Variants in SPOCK1 observed in about 807,000 individuals in gnomAD.
SPOCK1 encodes testican-1.
SPOCK1 carries 23 observed loss-of-function variants against 55.3 expected under a neutral mutation model. That is an observed-to-expected ratio of 0.42 (90% CI 0.30 to 0.59). The LOEUF is 0.59. Among genes scored for constraint, SPOCK1 ranks in the 20% least tolerant of loss-of-function variants. SPOCK1 has a pLI of 0.22. For missense variants in SPOCK1, 499 were observed against 552.5 expected (o/e 0.90, Z 0.97); for synonymous variants, 226 against 221.0 (o/e 1.02, Z -0.20).
chr5:137,403,528 G>A (rs1363362770), intron 2 of SPOCK1, among the ~76,000 whole-genome samples: 1 of 152,132 alleles, frequency 6.6e-6, no homozygotes, highest in Non-Finnish European at 1.5e-5. Context: ...GTGTTATTAG[G>A]GAATAAATGC....
chr5:137,226,699 G>T (rs1479441707), intron 3 of SPOCK1, among the ~76,000 whole-genome samples: 1 of 152,164 alleles, frequency 6.6e-6, no homozygotes, highest in Non-Finnish European at 1.5e-5. Flanking sequence ...CCATCTCTGG[G>T]CCTTTGCATA....
intron 4 of SPOCK1, among the ~76,000 whole-genome samples, chr5:137,122,283 A>G (rs921946804): frequency 3.3e-5 from 5 of 152,116 alleles, no homozygotes; most frequent in African/African-American, 9.6e-5. Context: ...ACACACACAG[A>G]GGCACTCTCA....
At chr5:137,498,028 G>A (rs376149909) in intron 2 of SPOCK1, among the ~76,000 whole-genome samples, 49 of 152,052 alleles carry the variant, frequency 3.2e-4, no homozygotes, top group African/African-American at 1.1e-3. Context: ...CTACCATCAC[G>A]GTTAGGAGAA....
In SPOCK1 at chr5:137,458,795, T is replaced by A. The variant is rs151284873; in HGVS notation, c.186+39578A>T. Reference sequence around the variant, plus strand: ...GAAGCACTTGAGCATCAAATGACAATACACAGATTAGACCCTCAGCTAAAA... The same window carrying A: ...GAAGCACTTGAGCATCAAATGACAAAACACAGATTAGACCCTCAGCTAAAA... On this transcript the variant is annotated intron_variant, in intron 2 of 10. Transcript: ENST00000394945. 1.5e-3 allele frequency among the ~76,000 whole-genome samples: 233 copies of A among 152,272 alleles called. 1 individual carries two copies. The highest frequency in any genetic ancestry group is 5.4e-3 in the African/African-American group (226 of 41,558).
intron 2 of SPOCK1, among the ~76,000 whole-genome samples, chr5:137,400,730 C>T (rs775085723): frequency 6.6e-6 from 1 of 152,148 alleles, no homozygotes; most frequent in African/African-American, 2.4e-5. Context: ...CTTTAGCGGG[C>T]CCTTGAGAAG....
intron 3 of SPOCK1, among the ~76,000 whole-genome samples, chr5:137,203,806 A>C (rs1755471136): frequency 6.6e-6 from 1 of 152,228 alleles, no homozygotes; most frequent in Admixed American, 6.5e-5. Flanking sequence ...GAAACTACTT[A>C]GATCAGGAGC....
intron 3 of SPOCK1, among the ~76,000 whole-genome samples, chr5:137,149,955 T>C (rs1269008896): frequency 1.3e-5 from 2 of 152,192 alleles, no homozygotes; most frequent in Non-Finnish European, 2.9e-5. Flanking sequence ...GAGGATCTGA[T>C]GGGATAACAC....
Position 137,234,553 on chromosome 5 carries a change from C to T in SPOCK1, c.232+32457G>A, listed in dbSNP as rs146941652. Among the ~76,000 whole-genome samples the T allele has an allele frequency of 3.4e-3, 523 of 152,290 alleles. 5 individuals carry two copies. The highest frequency in any genetic ancestry group is 0.012 in the African/African-American group (479 of 41,570). On this transcript the variant is annotated intron_variant, in intron 3 of 10. Transcript: ENST00000394945. ...AGAAACAAGTCTATACGATCTTGTCCAGGCCATAAATCATATCATATCCCA... is the reference window on the plus strand; with the variant it reads ...AGAAACAAGTCTATACGATCTTGTCTAGGCCATAAATCATATCATATCCCA...
chr5:137,133,063 T>A (rs1033533415), intron 4 of SPOCK1, among the ~76,000 whole-genome samples: 2 of 152,166 alleles, frequency 1.3e-5, no homozygotes, highest in South Asian at 4.2e-4. Context: ...AGTCTTCTTT[T>A]GTTATTTTTA....
At chr5:137,417,188 A>T (rs1383045369) in intron 2 of SPOCK1, among the ~76,000 whole-genome samples, 2 of 152,018 alleles carry the variant, frequency 1.3e-5, no homozygotes, top group South Asian at 2.1e-4. Flanking sequence ...AACGTTAATG[A>T]AGTTCAGTTT....
intron 2 of SPOCK1, among the ~76,000 whole-genome samples, chr5:137,432,834 C>T (rs1752778401): frequency 6.6e-6 from 1 of 152,098 alleles, no homozygotes; most frequent in African/African-American, 2.4e-5. Flanking sequence ...ATATTATCAT[C>T]TTACTGAGTT....
chr5:137,117,419 G>C (rs1753609036), intron 4 of SPOCK1, among the ~76,000 whole-genome samples: 1 of 152,182 alleles, frequency 6.6e-6, no homozygotes, highest in African/African-American at 2.4e-5. Context: ...TCCCAACTGT[G>C]GCATTCACTA....
chr5:137,283,740 A>G (rs909658484), intron 2 of SPOCK1, among the ~76,000 whole-genome samples: 5 of 152,172 alleles, frequency 3.3e-5, no homozygotes, highest in African/African-American at 1.2e-4. Flanking sequence ...CAAACAAAAA[A>G]AAAAACTAGT....
chr5:137,211,786 C>T (rs1755622239), intron 3 of SPOCK1, among the ~76,000 whole-genome samples: 1 of 152,096 alleles, frequency 6.6e-6, no homozygotes, highest in African/African-American at 2.4e-5. Context: ...TCCATAAAAC[C>T]CACAAAAGCA....
chr5:137,248,146 A>T (rs1470618463), intron 3 of SPOCK1, among the ~76,000 whole-genome samples: 1 of 152,226 alleles, frequency 6.6e-6, no homozygotes, highest in Non-Finnish European at 1.5e-5. Flanking sequence ...ATTAAAAATA[A>T]AATTAACTAT....
At position 136,978,400 on chromosome 5, in the gene SPOCK1, C is replaced by G. The variant is rs530141819; in HGVS notation, c.*254G>C. The G allele has an allele frequency of 6.3e-5, 25 of 394,234 alleles. No individual in the cohort carries two copies. The highest frequency in any genetic ancestry group is 4.1e-4 in the African/African-American group (20 of 48,206). The allele number at this position is 394,234 out of a possible 1,614,324, so 24.4% of individuals were successfully genotyped here. On this transcript the variant is annotated 3_prime_UTR_variant, in exon 11 of 11. Coordinates refer to ENST00000394945, the MANE Select transcript of SPOCK1 (RefSeq NM_004598.4). ...AAATCTCACAGAAAGGAAGGAGGCT[C>G]TAATTAAGCCAATGACTTCCCTATC...
chr5:137,358,212 T>C (rs576911644), intron 2 of SPOCK1, among the ~76,000 whole-genome samples: 1 of 151,902 alleles, frequency 6.6e-6, no homozygotes, highest in East Asian at 2.0e-4. Flanking sequence ...AACAAATCAG[T>C]CACTTTCCCA....
intron 2 of SPOCK1, among the ~76,000 whole-genome samples, chr5:137,473,785 G>T (rs1482087437): frequency 1.3e-5 from 2 of 152,144 alleles, no homozygotes; most frequent in Non-Finnish European, 2.9e-5. Context: ...TACAGCACCC[G>T]AATTATTTTC....
intron 6 of SPOCK1, among the ~76,000 whole-genome samples, chr5:137,035,916 TC>T (rs1414252748): frequency 6.6e-6 from 1 of 152,184 alleles, no homozygotes; most frequent in Non-Finnish European, 1.5e-5. Context: ...AGCCCAGTGC[TC>T]CATGCTGGGG....
Sources: allele counts gnomAD v4.1 joint callset (sites outside exome capture counted in the v4.1 genomes callset), GRCh38; gene constraint gnomAD v4.1.1; transcripts MANE v1.5; gene names NCBI Gene and HGNC (gene_info 2026-07-23, HGNC 2026-07-21).